Variants in RGS9 observed in about 807,000 individuals in gnomAD.
RGS9 encodes the protein regulator of G-protein signalling 9.
Under a neutral mutation model 102.0 loss-of-function variants are expected in RGS9, and 78 were observed. The ratio of observed to expected loss-of-function variants is 0.76; its 90% confidence interval spans 0.64 to 0.92. RGS9 has a LOEUF of 0.92. Among genes scored for constraint, RGS9 ranks in the 40% least tolerant of loss-of-function variants. The probability of loss-of-function intolerance (pLI) is 0.00; values close to 1 mark genes in which losing one functional copy is unlikely to be tolerated. For missense variants in RGS9, 833 were observed against 866.1 expected (o/e 0.96, Z 0.48); for synonymous variants, 353 against 318.6 (o/e 1.11, Z -1.15).
intron 11 of RGS9, among the ~76,000 whole-genome samples, chr17:65,192,025 A>G (rs1220578230): frequency 1.3e-5 from 2 of 152,210 alleles, no homozygotes; most frequent in Non-Finnish European, 2.9e-5. Context: ...AAATGCATTG[A>G]CTCAGAAGGT....
In RGS9 at chr17:65,227,606, T is replaced by C. The variant is rs577819980; in HGVS notation, c.*199T>C. On this transcript the variant is annotated 3_prime_UTR_variant, in exon 19 of 19. Coordinates refer to ENST00000262406, the MANE Select transcript of RGS9 (RefSeq NM_003835.4). Reference sequence around the variant, plus strand: ...AGGGGCCAACTCCTTCTCCTCTTCCTGACCCTCCCTCCCCTGGGCAGAAGA... The same window carrying C: ...AGGGGCCAACTCCTTCTCCTCTTCCCGACCCTCCCTCCCCTGGGCAGAAGA... 943 of 680,078 alleles carry C rather than the reference T, an allele frequency of 1.4e-3. 1 individual carries two copies. The highest frequency in any genetic ancestry group is 2.0e-3 in the Non-Finnish European group (788 of 395,338). The allele number at this position is 680,078 out of a possible 1,614,324, so 42.1% of individuals were successfully genotyped here. A position where few individuals can be genotyped will look rare whatever the true frequency, so the allele number is the denominator to read the frequency against.
intron 3 of RGS9, among the ~76,000 whole-genome samples, chr17:65,159,803 A>G (rs1274226211): frequency 6.6e-6 from 1 of 152,182 alleles, no homozygotes; most frequent in Non-Finnish European, 1.5e-5. Flanking sequence ...GTTGGCAATA[A>G]ACATGATGCT....
At position 65,173,033 on chromosome 17, in the gene RGS9, C is replaced by T. The variant is rs535077444; in HGVS notation, c.583-4699C>T. Among the ~76,000 whole-genome samples, 164 of 152,124 alleles carry T rather than the reference C, an allele frequency of 1.1e-3. No homozygotes were observed. Among genetic ancestry groups the T allele is most frequent in the African/African-American group, 3.5e-3 (146 of 41,484 alleles). On this transcript the variant is annotated intron_variant, in intron 8 of 18. Coordinates refer to ENST00000262406, the MANE Select transcript of RGS9 (RefSeq NM_003835.4). This position sits in a 1 kb window ranked among gnomAD's most constrained non-coding sequence, Gnocchi z 4.8. ...CGCCTCCTGGGTTCCAGCGATTCTC[C>T]TGCCTCAGCCTGCCGAGTAGCTGGA...
intron 9 of RGS9, among the ~76,000 whole-genome samples, chr17:65,186,239 G>A (rs8071603): frequency 6.6e-6 from 1 of 150,464 alleles, no homozygotes; most frequent in Middle Eastern, 3.4e-3. Context: ...CTCTGTGGCC[G>A]AGGCTGGAGT....
chr17:65,162,425 C>G (rs1911019259), intron 6 of RGS9, among the ~76,000 whole-genome samples: 1 of 152,070 alleles, frequency 6.6e-6, no homozygotes, highest in Non-Finnish European at 1.5e-5. Context: ...CTCTGATGCT[C>G]TCTTCCTAAT....
Position 65,202,081 on chromosome 17 carries a change from G to A in RGS9, c.1064+1G>A. 1 of 1,608,778 alleles carries A rather than the reference G, an allele frequency of 6.2e-7. No individual in the cohort carries two copies. Among genetic ancestry groups the A allele is most frequent in the Non-Finnish European group, 8.5e-7 (1 of 1,175,314 alleles). On this transcript the variant is annotated splice_donor_variant, in intron 14 of 18. Transcript: ENST00000262406. LOFTEE classifies it high-confidence loss of function. ...AGGAGAAAGCAGAGGAGATTTACAA[G>A]TGAGCATCAGCCAGGGTGCTGGAAA... is the stretch of plus-strand genomic sequence containing the variant.
chr17:65,206,202 T>A (rs1913058289), intron 15 of RGS9, among the ~76,000 whole-genome samples: 1 of 152,170 alleles, frequency 6.6e-6, no homozygotes, highest in South Asian at 2.1e-4. Context: ...TTTTAAAGCA[T>A]GTAATAATTT....
At position 65,192,951 on chromosome 17, in the gene RGS9, C is replaced by T. The variant is rs542674331; in HGVS notation, c.747-592C>T. Among the ~76,000 whole-genome samples, 48 of 152,050 alleles carry T rather than the reference C, an allele frequency of 3.2e-4. No homozygotes were observed. In the South Asian group the frequency reaches 8.9e-3, roughly 28 times the overall value. On this transcript the variant is annotated intron_variant, in intron 11 of 18. Coordinates refer to ENST00000262406, the MANE Select transcript of RGS9 (RefSeq NM_003835.4). ...TAAAAACCTATTGATAAAATATAAA[C>T]AGGCCATATTTTAATGAAATAGATA...
At position 65,227,551 on chromosome 17, in the gene RGS9, T is replaced by C. The variant is rs1337590580; in HGVS notation, c.*144T>C. On this transcript the variant is annotated 3_prime_UTR_variant, in exon 19 of 19. Transcript: ENST00000262406. ...GATTGGGGAGACAAGATGGGGTAGA[T>C]TGTGGCAAAGAATGCTCTGGCTGGT... The C allele has an allele frequency of 7.6e-6, 9 of 1,179,930 alleles. No homozygotes were observed. The highest frequency in any genetic ancestry group is 4.5e-5 in the African/African-American group (3 of 66,000). 73.1% of individuals were successfully genotyped at this position (1,179,930 alleles called of 1,614,324 possible).
chr17:65,226,055 G>A lies in RGS9; in HGVS notation c.1892+569G>A, dbSNP rs575824048. Among the ~76,000 whole-genome samples the A allele has an allele frequency of 2.6e-5, 4 of 152,236 alleles. No individual in the cohort carries two copies. The South Asian group carries it at 8.3e-4, about 32-fold the overall frequency. ...ATGAAAGTGCGTAGCCTTTGCCTGAGGGGGGGCCCCTCTAAACTTCATTTT... is the reference window on the plus strand; with the variant it reads ...ATGAAAGTGCGTAGCCTTTGCCTGAAGGGGGGCCCCTCTAAACTTCATTTT... On this transcript the variant is annotated intron_variant, in intron 18 of 18. Coordinates refer to ENST00000262406, the MANE Select transcript of RGS9 (RefSeq NM_003835.4).
intron 1 of RGS9, among the ~76,000 whole-genome samples, chr17:65,148,893 A>G (rs1438520942): frequency 3.3e-5 from 5 of 152,174 alleles, no homozygotes; most frequent in African/African-American, 1.2e-4. Flanking sequence ...ATGATATGAA[A>G]TGCTTTGTAT....
rs1320510001 is a variant in RGS9, at chr17:65,227,396, G to A, written c.2014G>A (p.Glu672Lys). ...AGAAAAGGAGGTCATCTGCCCCTGGGAGAGCCTGTAAGGAAAGAGGCAGGC... is the reference window on the plus strand; with the variant it reads ...AGAAAAGGAGGTCATCTGCCCCTGGAAGAGCCTGTAAGGAAAGAGGCAGGC... ...ATEKEVICPW[E>K]SL is the part of the protein sequence containing the mutation. Residue 672 changes from glutamate to lysine, a missense_variant, in exon 19 of 19, where the codon GAG becomes AAG. Physicochemically the swap from Glu to Lys is moderately conservative, Grantham distance 56. Around this residue, in one of 3 missense-constraint regions of RGS9, gnomAD observed 320 missense variants for 276.8 expected, o/e 1.16. Transcript: ENST00000262406. The A allele has an allele frequency of 2.5e-6, 4 of 1,613,608 alleles. No individual in the cohort carries two copies. The highest frequency in any genetic ancestry group is 3.4e-6 in the Non-Finnish European group (4 of 1,179,766).
At chr17:65,220,056 AT>A (rs1474820087) in intron 17 of RGS9, among the ~76,000 whole-genome samples, 1 of 152,028 alleles carries the variant, frequency 6.6e-6, no homozygotes, top group African/African-American at 2.4e-5. Flanking sequence ...CCATATCATT[AT>A]TATTATCATC....
intron 13 of RGS9, 68 bp downstream of exon 13, chr17:65,197,309 C>A (rs1223709125): frequency 1.2e-5 from 13 of 1,061,478 alleles, no homozygotes; most frequent in Non-Finnish European, 1.6e-5. Context: ...AATGTCTAGC[C>A]TAGGGTTTGG....
At chr17:65,147,205 A>G (rs141594232) in intron 1 of RGS9, among the ~76,000 whole-genome samples, 55 of 152,298 alleles carry the variant, frequency 3.6e-4, no homozygotes, top group Non-Finnish European at 7.1e-4. Context: ...TTCTGTTCCA[A>G]AACAATTCTG....
chr17:65,153,622 T>C, intron 2 of RGS9, 104 bp downstream of exon 2: 1 of 920,310 alleles, frequency 1.1e-6, no homozygotes. Context: ...CCAGGTGCAG[T>C]GGCTCACGCC....
chr17:65,190,107 G>A lies in RGS9; in HGVS notation c.685-68G>A, dbSNP rs1446879731. ...TGGGTAAATGGCTTCTGGGTTTGGA[G>A]GCTGTGTGTAGTGACACTGAAGGGT... is the stretch of plus-strand genomic sequence containing the variant. On this transcript the variant is annotated intron_variant, in intron 10 of 18. Transcript: ENST00000262406. 4 of 1,261,094 alleles carry A rather than the reference G, an allele frequency of 3.2e-6. No individual in the cohort carries two copies. In the African/African-American group the frequency reaches 5.9e-5, roughly 19 times the overall value. 78.1% of individuals were successfully genotyped at this position (1,261,094 alleles called of 1,614,324 possible).
chr17:65,215,592 C>T (rs562004321), intron 17 of RGS9, among the ~76,000 whole-genome samples: 74 of 118,584 alleles, frequency 6.2e-4, no homozygotes, highest in African/African-American at 3.2e-3. Context: ...GCAGTGGCAC[C>T]ATCCTGGCTC....
At chr17:65,209,458 GTCTCTTA>G in intron 16 of RGS9, among the ~76,000 whole-genome samples, 1 of 152,186 alleles carries the variant, frequency 6.6e-6, no homozygotes, top group South Asian at 2.1e-4. Context: ...GCAGGTCTTT[GTCTCTTA>G]TTGCTGCTGA....
Sources: allele counts gnomAD v4.1 joint callset (sites outside exome capture counted in the v4.1 genomes callset), GRCh38; gene constraint gnomAD v4.1.1; regional missense constraint gnomAD v4.1.1; non-coding constraint Gnocchi (gnomAD v3.1); transcripts MANE v1.5; gene names NCBI Gene and HGNC (gene_info 2026-07-23, HGNC 2026-07-21).